CFAP46: variants seen among roughly 807,000 people sequenced by gnomAD.
CFAP46 encodes the protein cilia- and flagella-associated protein 46.
CFAP46 carries 245 observed loss-of-function variants against 325.7 expected under a neutral mutation model. The observed-to-expected ratio is 0.75, with a 90% confidence interval of 0.68 to 0.84. The LOEUF is 0.84. Among genes scored for constraint, CFAP46 ranks in the 40% least tolerant of loss-of-function variants. The probability of loss-of-function intolerance (pLI) is 0.00; values close to 1 mark genes in which losing one functional copy is unlikely to be tolerated. For synonymous variants in CFAP46, 1,523 were observed against 1,495.9 expected, an observed-to-expected ratio of 1.02 and a Z score of -0.42; for missense variants, 3,346 against 3,543.0, an observed-to-expected ratio of 0.94 and a Z score of 1.41.
Position 132,832,641 on chromosome 10 carries a change from T to A in CFAP46, c.7117+717A>T. On this transcript the variant is annotated intron_variant, in intron 50 of 57. Transcript: ENST00000368586. The surrounding 1 kb of genome is among the most constrained non-coding windows in gnomAD (Gnocchi z 4.1). ...TCGATTTATTTTTAATTTTATTTGA[T>A]ACCGAAGTGCAGAAAACTGCACGTA... is the stretch of plus-strand genomic sequence containing the variant. 1 of 381,488 alleles carries A rather than the reference T, an allele frequency of 2.6e-6. No homozygotes were observed. Among genetic ancestry groups the A allele is most frequent in the Non-Finnish European group, 5.7e-6 (1 of 174,790 alleles). The allele number at this position is 381,488 out of a possible 1,614,324, so 23.6% of individuals were successfully genotyped here.
At position 132,899,639 on chromosome 10, in the gene CFAP46, C is replaced by T. The variant is rs184662759; in HGVS notation, c.2952G>A (p.Met984Ile). The T allele has an allele frequency of 1.3e-6, 2 of 1,550,124 alleles. No individual in the cohort carries two copies. Among genetic ancestry groups the T allele is most frequent in the South Asian group, 1.2e-5 (1 of 84,016 alleles). The stretch of plus-strand genomic sequence containing the variant: ...CCTGGATGGCCGTGGCTGTGCACAG[C>T]ATCTCTGCCACCAGCCGGGACTCCT... ...GPEESRLVAE[M>I]LCTATAIQGR... Residue 984 changes from methionine to isoleucine, a missense_variant, in exon 23 of 58, where the codon ATG (methionine) becomes ATA (isoleucine). Physicochemically the swap from Met to Ile is conservative, Grantham distance 10 (BLOSUM62 1). Transcript: ENST00000368586.
chr10:132,929,855 C>T (rs1849866444), intron 8 of CFAP46, 51 bp from the exon 9 acceptor site: 1 of 1,381,382 alleles, frequency 7.2e-7, no homozygotes, highest in Non-Finnish European at 1.0e-6. Flanking sequence ...GCACAGGAAA[C>T]ATGGCTGCAG....
intron 22 of CFAP46, 65 bp from the exon 23 acceptor site, chr10:132,899,731 G>A: frequency 6.7e-7 from 1 of 1,501,724 alleles, no homozygotes. Context: ...CCCTCCCTGG[G>A]TCACTGTCTT....
At chr10:132,822,248 G>T (rs1847869089) in intron 50 of CFAP46, among the ~76,000 whole-genome samples, 1 of 137,008 alleles carries the variant, frequency 7.3e-6, no homozygotes, top group Non-Finnish European at 1.5e-5. Flanking sequence ...TGCTGTGTGT[G>T]CGCTGATGTG....
At chr10:132,910,696 T>C (rs867530091) in intron 19 of CFAP46, among the ~76,000 whole-genome samples, 1 of 152,202 alleles carries the variant, frequency 6.6e-6, no homozygotes, top group Non-Finnish European at 1.5e-5. Flanking sequence ...AACCCAGGGA[T>C]GTCCCATCTC....
chr10:132,862,666 G>A (rs1295549384), intron 35 of CFAP46, among the ~76,000 whole-genome samples: 2 of 151,976 alleles, frequency 1.3e-5, no homozygotes, highest in Non-Finnish European at 2.9e-5. Flanking sequence ...CGAGAGACAA[G>A]GCCACTGTGT....
intron 24 of CFAP46, among the ~76,000 whole-genome samples, chr10:132,892,664 G>A (rs1276806769): frequency 6.6e-6 from 1 of 152,084 alleles, no homozygotes; most frequent in Non-Finnish European, 1.5e-5. Context: ...AACAACTCAG[G>A]AACTGCCTCT....
intron 16 of CFAP46, among the ~76,000 whole-genome samples, chr10:132,917,047 G>A (rs1012382369): frequency 1.4e-4 from 21 of 152,232 alleles, no homozygotes; most frequent in African/African-American, 4.8e-4. Context: ...GAGGGGAAAG[G>A]TCTGCGCTGG....
chr10:132,828,360 G>A lies in CFAP46; in HGVS notation c.7117+4998C>T, dbSNP rs969455999. ...CCGGTTCCACACCCTCCCAACACGC[G>A]CTCTGGTCGACTGTGTGAGTTTCAC... is the stretch of plus-strand genomic sequence containing the variant. On this transcript the variant is annotated intron_variant, in intron 50 of 57. Transcript: ENST00000368586. The surrounding 1 kb of genome is among the most constrained non-coding windows in gnomAD (Gnocchi z 4.9). 2.0e-5 allele frequency among the ~76,000 whole-genome samples: 3 copies of A among 151,922 alleles called. No individual in the cohort carries two copies. Among genetic ancestry groups the A allele is most frequent in the Non-Finnish European group, 4.4e-5 (3 of 68,042 alleles).
intron 17 of CFAP46, among the ~76,000 whole-genome samples, chr10:132,913,618 A>G (rs1849589422): frequency 1.3e-5 from 2 of 152,122 alleles, no homozygotes; most frequent in Non-Finnish European, 2.9e-5. Flanking sequence ...TCCGTGGAAA[A>G]ACTGTCTCCC....
intron 39 of CFAP46, 88 bp from the exon 40 acceptor site, chr10:132,851,393 C>A: frequency 7.8e-7 from 1 of 1,286,916 alleles, no homozygotes; most frequent in Non-Finnish European, 1.1e-6. Flanking sequence ...GCATAACCGA[C>A]GTAAGAAACT....
rs1847949972 is a variant in CFAP46 at position 132,823,696 on chromosome 10, ATGTGTGC to A, written c.7118-8789_7118-8783del. On this transcript the variant is annotated intron_variant, in intron 50 of 57. Transcript: ENST00000368586. ...GTGTGCTGTGTGCTGATGTGTGCTG[ATGTGTGC>A]TGTGTGCTGACGTGTGCTGTGTGCT... is the stretch of plus-strand genomic sequence containing the variant. Among the ~76,000 whole-genome samples the A allele has an allele frequency of 3.9e-5, 3 of 75,986 alleles. No individual in the cohort carries two copies. In the South Asian group the frequency reaches 1.5e-3, roughly 38 times the overall value. The allele number at this position is 75,986 out of a possible 152,430, so 49.8% of individuals were successfully genotyped here.
Position 132,918,399 on chromosome 10 carries a change from A to G in CFAP46, c.1980T>C (p.His660=), listed in dbSNP as rs917501165. Residue 660 remains histidine, a synonymous_variant, in exon 16 of 58, where the codon CAT becomes CAC. Transcript: ENST00000368586. ...CCCCCTCTCCATGACGCACCTCAGC[A>G]TGGATGAACCCCACCTCCGCGAACT... ...LRKFAEVGFI[H]AEATVHLLRS... is the part of the protein sequence containing the mutation. The G allele has an allele frequency of 6.5e-6, 10 of 1,546,372 alleles. No homozygotes were observed. The highest frequency in any genetic ancestry group is 7.0e-6 in the Non-Finnish European group (8 of 1,144,744).
In CFAP46 at chr10:132,884,269, G is replaced by GA. The variant is rs1849089308; in HGVS notation, c.3627+833_3627+834insT. Among the ~76,000 whole-genome samples the GA allele has an allele frequency of 6.6e-6, 1 of 152,148 alleles. No homozygotes were observed. Among genetic ancestry groups the GA allele is most frequent in the African/African-American group, 2.4e-5 (1 of 41,436 alleles). ...CAGTGGCTCCCTGTGGCTCCCCACG[G>GA]TGGTACCCAGGCGTCTGCCTTGATC... On this transcript the variant is annotated intron_variant, in intron 27 of 57. Coordinates refer to ENST00000368586, the MANE Select transcript of CFAP46 (RefSeq NM_001200049.3). This position sits in a 1 kb window ranked among gnomAD's most constrained non-coding sequence, Gnocchi z 5.4.
chr10:132,899,753 T>C, intron 22 of CFAP46, 87 bp from the exon 23 acceptor site: 1 of 1,409,648 alleles, frequency 7.1e-7, no homozygotes, highest in Non-Finnish European at 9.4e-7. Flanking sequence ...AACTGTGGAC[T>C]ACACAGGTGG....
chr10:132,823,508 G>A (rs1564767288), intron 50 of CFAP46, among the ~76,000 whole-genome samples: 2 of 126,688 alleles, frequency 1.6e-5, no homozygotes, highest in African/African-American at 6.1e-5. Context: ...TGTGCTGTGT[G>A]CTGATGTGTG....
intron 4 of CFAP46, 33 bp downstream of exon 4, chr10:132,940,963 T>G: frequency 6.2e-7 from 1 of 1,603,728 alleles, no homozygotes; most frequent in Non-Finnish European, 8.5e-7. Context: ...TTTCACCCAG[T>G]CAGTGAGAAA....
At chr10:132,833,290 A>T (rs1305410471) in intron 50 of CFAP46, 68 bp downstream of exon 50, 1 of 1,445,504 alleles carries the variant, frequency 6.9e-7, no homozygotes, top group Non-Finnish European at 9.5e-7. Flanking sequence ...ACATTGTTTC[A>T]TCTGAAAAAT....
intron 46 of CFAP46, among the ~76,000 whole-genome samples, chr10:132,835,824 G>C (rs1444968255): frequency 6.6e-6 from 1 of 151,086 alleles, no homozygotes; most frequent in South Asian, 2.1e-4. Context: ...GGCACAGTGG[G>C]TATCAGCTCT....
Sources: allele counts gnomAD v4.1 joint callset (sites outside exome capture counted in the v4.1 genomes callset), GRCh38; gene constraint gnomAD v4.1.1; non-coding constraint Gnocchi (gnomAD v3.1); transcripts MANE v1.5; gene names NCBI Gene and HGNC (gene_info 2026-07-23, HGNC 2026-07-21).